PATJ: variants seen among roughly 807,000 people sequenced by gnomAD.
PATJ encodes the protein inaD-like protein.
Under a neutral mutation model 224.9 loss-of-function variants are expected in PATJ, and 190 were observed. The observed-to-expected ratio is 0.84, with a 90% CI of 0.75 to 0.95. PATJ has a LOEUF of 0.95. Among genes scored for constraint, PATJ ranks in the 40% least tolerant of loss-of-function variants. PATJ has a pLI of 0.00. For synonymous variants in PATJ, 769 were observed against 820.3 expected (o/e 0.94, Z 1.07); for missense variants, 2,121 against 2,270.3 (o/e 0.93, Z 1.34).
intron 13 of PATJ, among the ~76,000 whole-genome samples, chr1:61,806,132 T>C (rs1653489069): frequency 6.6e-6 from 1 of 152,202 alleles, no homozygotes; most frequent in African/African-American, 2.4e-5. Context: ...AGGCAGACGG[T>C]TGTGCTTAGA....
intron 20 of PATJ, among the ~76,000 whole-genome samples, chr1:61,867,003 C>G (rs1338608702): frequency 6.6e-6 from 1 of 152,160 alleles, no homozygotes; most frequent in Non-Finnish European, 1.5e-5. Context: ...GTGAGGACGA[C>G]CAGAGGTCAC....
chr1:61,937,588 C>T (rs1316983499), intron 27 of PATJ, among the ~76,000 whole-genome samples: 1 of 150,706 alleles, frequency 6.6e-6, no homozygotes, highest in Non-Finnish European at 1.5e-5. Context: ...TGAAAATTGA[C>T]TTAGAGATAA....
At chr1:62,052,408 A>G (rs116692606) in intron 31 of PATJ, among the ~76,000 whole-genome samples, 12 of 150,348 alleles carry the variant, frequency 8.0e-5, no homozygotes, top group Admixed American at 3.3e-4. Context: ...TGGCATGAAG[A>G]GTACTAGCAG....
intron 14 of PATJ, among the ~76,000 whole-genome samples, chr1:61,810,743 T>TAAACAAAC (rs1305869041): frequency 4.4e-4 from 61 of 138,698 alleles, no homozygotes; most frequent in African/African-American, 1.7e-3. Context: ...AATAAATAAA[T>TAAACAAAC]AAACCCAGTC....
At chr1:62,039,752 G>A (rs1054317804) in intron 30 of PATJ, among the ~76,000 whole-genome samples, 2 of 152,104 alleles carry the variant, frequency 1.3e-5, no homozygotes, top group Non-Finnish European at 2.9e-5. Flanking sequence ...CGCTTTTGGA[G>A]CAGAAACCTG....
At position 61,939,528 on chromosome 1, in the gene PATJ, G is replaced by A. The variant is rs534004586; in HGVS notation, c.3670+11699G>A. Among the ~76,000 whole-genome samples the A allele has an allele frequency of 5.9e-5, 9 of 151,892 alleles. No homozygotes were observed. In the East Asian group the frequency reaches 7.7e-4, roughly 13 times the overall value. On this transcript the variant is annotated intron_variant, in intron 27 of 43. Coordinates refer to ENST00000642238, the MANE Select transcript of PATJ (RefSeq NM_001350145.3). ...AAAATCAGGTTTTTTTTGCCTATCA[G>A]AGTACTTAATATTTTAACAATATTA...
At chr1:62,130,974 G>T (rs1666203982) in intron 41 of PATJ, among the ~76,000 whole-genome samples, 1 of 152,096 alleles carries the variant, frequency 6.6e-6, no homozygotes, top group East Asian at 1.9e-4. Flanking sequence ...TGTATGAGGG[G>T]TATAATGAAA....
chr1:62,050,529 C>A (rs1170803874), intron 30 of PATJ, among the ~76,000 whole-genome samples: 2 of 152,238 alleles, frequency 1.3e-5, no homozygotes, highest in Admixed American at 1.3e-4. Context: ...GGCTCATGCT[C>A]TCTTGTTAAT....
chr1:61,786,876 C>T lies in PATJ; in HGVS notation c.850-878C>T, dbSNP rs1034604819. 9.9e-5 allele frequency among the ~76,000 whole-genome samples: 15 copies of T among 151,918 alleles called. 1 individual carries two copies. The highest frequency in any genetic ancestry group is 2.0e-4 in the Admixed American group (3 of 15,268). On this transcript the variant is annotated intron_variant, in intron 7 of 43. Transcript: ENST00000642238. ...TGGTGCGCGCCTGTAATCCCAGCTG[C>T]TCAGGAGGCTGAGGCAGGAGAATTG...
chr1:62,000,434 G>A (rs867815629), intron 28 of PATJ, among the ~76,000 whole-genome samples: 5,107 of 144,248 alleles, frequency 0.035, 217 homozygotes, highest in African/African-American at 0.1. Flanking sequence ...ATCTATGAGT[G>A]AGAATATGCA....
chr1:62,054,469 T>C (rs2148607398), intron 31 of PATJ: 1 of 201,686 alleles, frequency 5.0e-6, no homozygotes, highest in South Asian at 7.6e-5. Context: ...TGTGTCTCAG[T>C]AGCCCTAGAT....
chr1:62,069,943 G>C (rs1414937888), intron 31 of PATJ, among the ~76,000 whole-genome samples: 1 of 152,156 alleles, frequency 6.6e-6, no homozygotes, highest in Non-Finnish European at 1.5e-5. Flanking sequence ...AGCAGAACAA[G>C]TCTGAACCCA....
At chr1:61,831,971 A>AC (rs1470950234) in intron 16 of PATJ, among the ~76,000 whole-genome samples, 2 of 152,218 alleles carry the variant, frequency 1.3e-5, no homozygotes, top group African/African-American at 4.8e-5. Context: ...TGGTACATAG[A>AC]CACCATGGAA....
In PATJ at chr1:62,049,259, A is replaced by T. The variant is rs577303264; in HGVS notation, c.4033-1707A>T. On this transcript the variant is annotated intron_variant, in intron 30 of 43. Coordinates refer to ENST00000642238, the MANE Select transcript of PATJ (RefSeq NM_001350145.3). ...AGTAAGCAATCACACACACACACAC[A>T]CACACACACACACACACACACAGAG... Among the ~76,000 whole-genome samples the T allele has an allele frequency of 1.1e-4, 16 of 149,902 alleles. No homozygotes were observed. The South Asian group carries it at 3.5e-3, about 32-fold the overall frequency.
intron 22 of PATJ, among the ~76,000 whole-genome samples, chr1:61,887,362 A>G (rs1040197625): frequency 2.0e-5 from 3 of 152,138 alleles, no homozygotes; most frequent in Admixed American, 1.3e-4. Flanking sequence ...TTCTTGTCCA[A>G]TGATGATGTT....
At chr1:62,106,154 G>GTATATATATATA (rs1357638316) in intron 33 of PATJ, among the ~76,000 whole-genome samples, 40 of 48,442 alleles carry the variant, frequency 8.3e-4, no homozygotes, top group African/African-American at 3.0e-3. Context: ...ATGTGTGTGT[G>GTATATATATATA]TGTGTATATA....
chr1:62,157,846 A>T (rs1002261113), intron 43 of PATJ, among the ~76,000 whole-genome samples: 2 of 133,394 alleles, frequency 1.5e-5, no homozygotes, highest in South Asian at 2.7e-4. Context: ...AAAAAAAAAA[A>T]AAAAAAAAAT....
chr1:61,888,708 T>C (rs1382069041), intron 22 of PATJ, among the ~76,000 whole-genome samples: 1 of 152,248 alleles, frequency 6.6e-6, no homozygotes, highest in Non-Finnish European at 1.5e-5. Flanking sequence ...AGCAAACTTC[T>C]AAGTCCACCC....
At chr1:61,774,323 G>T (rs1448380775) in intron 6 of PATJ, among the ~76,000 whole-genome samples, 1 of 151,972 alleles carries the variant, frequency 6.6e-6, no homozygotes, top group African/African-American at 2.4e-5. Flanking sequence ...TAAGTAATGA[G>T]TATGCCCTAA....
Sources: allele counts gnomAD v4.1 joint callset (sites outside exome capture counted in the v4.1 genomes callset), GRCh38; gene constraint gnomAD v4.1.1; transcripts MANE v1.5; gene names NCBI Gene and HGNC (gene_info 2026-07-23, HGNC 2026-07-21).